Variants in PDE1C observed in about 807,000 individuals in gnomAD.
PDE1C encodes the protein dual specificity calcium/calmodulin-dependent 3',5'-cyclic nucleotide phosphodiesterase 1C.
A neutral mutation model predicts 93.1 loss-of-function variants in PDE1C; 62 were observed. The ratio of observed to expected loss-of-function variants is 0.67; its 90% CI spans 0.54 to 0.82. The LOEUF (loss-of-function observed/expected upper bound fraction) is 0.82. Among genes scored for constraint, PDE1C ranks in the 40% least tolerant of loss-of-function variants. PDE1C has a pLI of 0.00. For missense variants in PDE1C, 742 were observed against 884.6 expected (o/e 0.84, Z 2.04); for synonymous variants, 325 against 310.1 (o/e 1.05, Z -0.50).
intron 12 of PDE1C, among the ~76,000 whole-genome samples, chr7:31,826,537 A>G (rs1327796952): frequency 6.6e-6 from 1 of 152,126 alleles, no homozygotes; most frequent in Non-Finnish European, 1.5e-5. Context: ...TCCAAACCAG[A>G]ACTAACTCAT....
intron 3 of PDE1C, among the ~76,000 whole-genome samples, chr7:32,112,670 G>T (rs1201275985): frequency 6.6e-6 from 1 of 150,630 alleles, no homozygotes; most frequent in Non-Finnish European, 1.5e-5. Flanking sequence ...GCCCAGGCTG[G>T]TCTTGTAATC....
chr7:31,811,767 G>C (rs572968335), intron 15 of PDE1C, among the ~76,000 whole-genome samples: 1 of 152,182 alleles, frequency 6.6e-6, no homozygotes. Context: ...GCCCATGATG[G>C]TTCCTGTTCT....
At chr7:32,393,610 T>C (rs776285965) in intron 1 of PDE1C, among the ~76,000 whole-genome samples, 1 of 152,242 alleles carries the variant, frequency 6.6e-6, no homozygotes, top group Non-Finnish European at 1.5e-5. Context: ...TCAGTGGTTA[T>C]TTCCTGAGTA....
At chr7:32,172,901 T>C (rs1288494416) in intron 2 of PDE1C, among the ~76,000 whole-genome samples, 6 of 150,546 alleles carry the variant, frequency 4.0e-5, no homozygotes. Context: ...ACTTTTACAC[T>C]GTTGGTTGGA....
chr7:32,097,599 C>T (rs1279596082), intron 3 of PDE1C, among the ~76,000 whole-genome samples: 1 of 152,182 alleles, frequency 6.6e-6, no homozygotes, highest in Non-Finnish European at 1.5e-5. Context: ...TGCTCTAAGC[C>T]ACCAGACAAA....
chr7:31,710,056 G>A, the PDE1C span, among the ~76,000 whole-genome samples: 1 of 152,168 alleles, frequency 6.6e-6, no homozygotes, highest in East Asian at 1.9e-4. Context: ...GGCTGAAGTA[G>A]GAGGATTTCA....
chr7:31,813,268 C>T (rs1299622559), intron 15 of PDE1C, among the ~76,000 whole-genome samples: 1 of 152,006 alleles, frequency 6.6e-6, no homozygotes, highest in Non-Finnish European at 1.5e-5. Context: ...ACAGCCCGGC[C>T]CAGCCACCCA....
At chr7:31,768,006 A>G (rs1795247402) in intron 17 of PDE1C, among the ~76,000 whole-genome samples, 1 of 152,206 alleles carries the variant, frequency 6.6e-6, no homozygotes, top group Non-Finnish European at 1.5e-5. Flanking sequence ...ACCTTCTTGA[A>G]AGGCCAGAAG....
At chr7:32,081,932 G>A (rs912217741) in intron 3 of PDE1C, among the ~76,000 whole-genome samples, 4 of 152,210 alleles carry the variant, frequency 2.6e-5, no homozygotes, top group Admixed American at 2.0e-4. Context: ...CAGAGTGAGC[G>A]ACGCAGAAGA....
intron 3 of PDE1C, among the ~76,000 whole-genome samples, chr7:32,115,114 G>A (rs1798913625): frequency 6.6e-6 from 1 of 152,102 alleles, no homozygotes. Context: ...CCATTACTGG[G>A]TATATACCTA....
intron 3 of PDE1C, among the ~76,000 whole-genome samples, chr7:32,161,194 G>C (rs1381501717): frequency 6.6e-6 from 1 of 152,172 alleles, no homozygotes; most frequent in Non-Finnish European, 1.5e-5. Flanking sequence ...CTGCCACCCA[G>C]AAAAATTTGT....
At chr7:32,389,157 C>CATGT (rs5883344) in intron 1 of PDE1C, among the ~76,000 whole-genome samples, 1 of 135,698 alleles carries the variant, frequency 7.4e-6, no homozygotes, top group Non-Finnish European at 1.6e-5. Flanking sequence ...TGATAGCTGA[C>CATGT]GTGTGTGTGT....
chr7:31,715,537 C>A, the PDE1C span, among the ~76,000 whole-genome samples: 1 of 152,222 alleles, frequency 6.6e-6, no homozygotes, highest in Non-Finnish European at 1.5e-5. Context: ...CGGCATCCAG[C>A]CTGTAAAGGC....
In PDE1C at chr7:31,878,894, T is replaced by C. The variant is rs571483926; in HGVS notation, c.425+102A>G. On this transcript the variant is annotated intron_variant, in intron 4 of 17. Coordinates refer to ENST00000396191, the MANE Select transcript of PDE1C (RefSeq NM_001191057.4). ...TGTTTCTACCCACAATTTTCAGTATTTATAAAGATAGGAAAACTACATTAA... is the reference window on the plus strand; with the variant it reads ...TGTTTCTACCCACAATTTTCAGTATCTATAAAGATAGGAAAACTACATTAA... 35 of 1,171,988 alleles carry C rather than the reference T, an allele frequency of 3.0e-5. No individual in the cohort carries two copies. The East Asian group carries it at 7.5e-4, about 25-fold the overall frequency. The allele number at this position is 1,171,988 out of a possible 1,614,324, so 72.6% of individuals were successfully genotyped here.
At chr7:31,786,915 A>G (rs1784026261) in intron 16 of PDE1C, 1 of 91,206 alleles carries the variant, frequency 1.1e-5, no homozygotes, top group African/African-American at 4.8e-5. Context: ...CTATCTATCT[A>G]TCTATCTATC....
chr7:32,205,932 T>C (rs73106515), intron 2 of PDE1C, among the ~76,000 whole-genome samples: 51,742 of 151,938 alleles, frequency 0.34, 9,412 homozygotes, highest in Admixed American at 0.46. Context: ...GGACACACCA[T>C]CTGTAAGAAC....
intron 8 of PDE1C, among the ~76,000 whole-genome samples, chr7:31,849,982 T>C (rs1210421627): frequency 6.6e-6 from 1 of 152,122 alleles, no homozygotes; most frequent in Non-Finnish European, 1.5e-5. Flanking sequence ...CAACTAACAG[T>C]ATCTGTTACA....
chr7:31,841,327 C>T (rs1044599021), intron 9 of PDE1C, among the ~76,000 whole-genome samples: 6 of 151,446 alleles, frequency 4.0e-5, no homozygotes, highest in African/African-American at 9.7e-5. Flanking sequence ...AATTCATTAT[C>T]GGTTCCAGTA....
intron 3 of PDE1C, among the ~76,000 whole-genome samples, chr7:32,153,917 G>A (rs1327462476): frequency 6.6e-6 from 1 of 152,178 alleles, no homozygotes; most frequent in East Asian, 1.9e-4. Flanking sequence ...AAAAGGTTGA[G>A]CTTGAGCCAA....
Sources: gnomAD v4.1 joint callset for allele counts (sites outside exome capture counted in the v4.1 genomes callset) on GRCh38, gnomAD v4.1.1 for gene constraint, MANE v1.5 for transcripts, NCBI Gene and HGNC (gene_info 2026-07-23, HGNC 2026-07-21) for gene names.